GFRA1: variants seen among roughly 807,000 people sequenced by gnomAD.
The protein encoded by GFRA1 is GDNF family receptor alpha-1.
GFRA1 carries 16 observed loss-of-function variants against 51.6 expected under a neutral mutation model. That is an observed-to-expected ratio of 0.31 (90% CI 0.21 to 0.47). GFRA1 has a LOEUF of 0.47. Ranked by LOEUF, GFRA1 falls within the 20% of genes least tolerant of loss-of-function variation. GFRA1 has a pLI of 1.00. For missense variants in GFRA1, 530 were observed against 594.3 expected (o/e 0.89, Z 1.13); for synonymous variants, 270 against 241.3 (o/e 1.12, Z -1.10).
intron 6 of GFRA1, among the ~76,000 whole-genome samples, chr10:116,119,389 C>T (rs563054643): frequency 2.1e-4 from 32 of 152,282 alleles, no homozygotes; most frequent in African/African-American, 7.7e-4. Context: ...TTGCTAAAGA[C>T]ACCCATGTAA....
intron 5 of GFRA1, among the ~76,000 whole-genome samples, chr10:116,140,523 A>G (rs1958516682): frequency 6.6e-6 from 1 of 152,214 alleles, no homozygotes; most frequent in Non-Finnish European, 1.5e-5. Flanking sequence ...GCTTAGAAAT[A>G]TATTTGTAAA....
At chr10:116,255,948 C>T (rs953323591) in intron 4 of GFRA1, among the ~76,000 whole-genome samples, 3 of 152,126 alleles carry the variant, frequency 2.0e-5, no homozygotes, top group Non-Finnish European at 2.9e-5. Flanking sequence ...GCACTCAAAT[C>T]ATCTACTATT....
chr10:116,191,014 C>T (rs113145299), intron 5 of GFRA1, among the ~76,000 whole-genome samples: 46 of 152,306 alleles, frequency 3.0e-4, no homozygotes, highest in African/African-American at 1.0e-3. Flanking sequence ...GAGAGTTCAC[C>T]GGGTTCCCAT....
intron 4 of GFRA1, among the ~76,000 whole-genome samples, chr10:116,238,876 T>C (rs377028859): frequency 6.6e-6 from 1 of 152,216 alleles, no homozygotes; most frequent in Non-Finnish European, 1.5e-5. Context: ...GCTTATTAGC[T>C]ATAGGATTAG....
intron 5 of GFRA1, among the ~76,000 whole-genome samples, chr10:116,138,296 A>G (rs1213061502): frequency 6.6e-6 from 1 of 152,174 alleles, no homozygotes; most frequent in Non-Finnish European, 1.5e-5. Context: ...ACCATCTGAA[A>G]ATGTGTATTT....
intron 9 of GFRA1, among the ~76,000 whole-genome samples, chr10:116,073,629 A>G (rs1336268748): frequency 6.6e-6 from 1 of 152,178 alleles, no homozygotes; most frequent in Non-Finnish European, 1.5e-5. Context: ...CTAAAATGAA[A>G]CATTTGTTTT....
intron 5 of GFRA1, among the ~76,000 whole-genome samples, chr10:116,192,483 C>T (rs577094982): frequency 6.6e-6 from 1 of 152,304 alleles, no homozygotes; most frequent in Admixed American, 6.5e-5. Context: ...CAAATCACAT[C>T]AACACGATTC....
At chr10:116,211,413 AC>A (rs994659454) in intron 5 of GFRA1, among the ~76,000 whole-genome samples, 9 of 151,964 alleles carry the variant, frequency 5.9e-5, no homozygotes, top group African/African-American at 1.7e-4. Context: ...TCTACATCCT[AC>A]CCCCAAGCAT....
chr10:116,213,522 A>G (rs1345855055), intron 4 of GFRA1, among the ~76,000 whole-genome samples: 1 of 152,206 alleles, frequency 6.6e-6, no homozygotes, highest in Non-Finnish European at 1.5e-5. Context: ...TTTCTGTATT[A>G]ATTTTTAGCA....
chr10:116,097,705 G>T (rs1589786316), intron 6 of GFRA1, among the ~76,000 whole-genome samples: 1 of 152,194 alleles, frequency 6.6e-6, no homozygotes, highest in Non-Finnish European at 1.5e-5. Flanking sequence ...GACTTCACAA[G>T]AATTTAAATT....
chr10:116,135,328 G>A (rs1040614513), intron 5 of GFRA1, among the ~76,000 whole-genome samples: 12 of 152,196 alleles, frequency 7.9e-5, no homozygotes, highest in South Asian at 2.1e-4. Context: ...TAAAAATCTC[G>A]GGTTCATAAA....
Position 116,132,004 on chromosome 10 carries a change from CG to C in GFRA1, c.434-6448del, listed in dbSNP as rs1208253293. The stretch of plus-strand genomic sequence containing the variant: ...GGAGGATTGCTTGAGACCAGAAGAT[CG>C]AGACCAGCTTGAGCAATATAAGGAG... On this transcript the variant is annotated intron_variant, in intron 5 of 10. Coordinates refer to ENST00000355422, the MANE Select transcript of GFRA1 (RefSeq NM_005264.8). Among the ~76,000 whole-genome samples the C allele has an allele frequency of 2.0e-5, 3 of 150,958 alleles. No homozygotes were observed. In the East Asian group the frequency reaches 5.9e-4, roughly 29 times the overall value.
chr10:116,151,256 G>GTGAA (rs1959053427), intron 5 of GFRA1, among the ~76,000 whole-genome samples: 1 of 152,146 alleles, frequency 6.6e-6, no homozygotes, highest in Admixed American at 6.5e-5. Flanking sequence ...ACTCCTCTCT[G>GTGAA]TGAATGAAGC....
At chr10:116,224,653 C>T in intron 4 of GFRA1, among the ~76,000 whole-genome samples, 1 of 152,188 alleles carries the variant, frequency 6.6e-6, no homozygotes, top group African/African-American at 2.4e-5. Context: ...AATCAAGAGA[C>T]AGAAAATAGA....
chr10:116,155,570 A>G (rs1169852970), intron 5 of GFRA1, among the ~76,000 whole-genome samples: 3 of 152,228 alleles, frequency 2.0e-5, no homozygotes, highest in African/African-American at 7.2e-5. Context: ...GATTGTACAT[A>G]TCACCACAAA....
intron 5 of GFRA1, among the ~76,000 whole-genome samples, chr10:116,154,905 G>A (rs1170897564): frequency 6.6e-6 from 1 of 152,102 alleles, no homozygotes; most frequent in Non-Finnish European, 1.5e-5. Context: ...ACTCATCAGT[G>A]GAGATGATTC....
Position 116,217,956 on chromosome 10 carries a change from G to A in GFRA1, c.419-6311C>T, listed in dbSNP as rs1025750834. Reference sequence around the variant, plus strand: ...TTGCATAGGACTGTAAAGGAATCATGAGAGGAAAATTCATGAAAATAAAAT... The same window carrying A: ...TTGCATAGGACTGTAAAGGAATCATAAGAGGAAAATTCATGAAAATAAAAT... On this transcript the variant is annotated intron_variant, in intron 4 of 10. Transcript: ENST00000355422. 2.0e-5 allele frequency among the ~76,000 whole-genome samples: 3 copies of A among 152,186 alleles called. No individual in the cohort carries two copies. In the South Asian group the frequency reaches 6.2e-4, roughly 31 times the overall value.
chr10:116,070,469 A>G (rs1453038218), intron 9 of GFRA1, among the ~76,000 whole-genome samples: 1 of 152,194 alleles, frequency 6.6e-6, no homozygotes, highest in African/African-American at 2.4e-5. Context: ...TTAAATCTAC[A>G]TATTTTATGT....
intron 5 of GFRA1, among the ~76,000 whole-genome samples, chr10:116,191,842 C>T (rs1221386855): frequency 1.8e-5 from 2 of 112,442 alleles, no homozygotes; most frequent in African/African-American, 2.7e-5. Flanking sequence ...GCCTGGCCAA[C>T]ATGGTGAAAC....
Sources: gnomAD v4.1 joint callset for allele counts (sites outside exome capture counted in the v4.1 genomes callset) on GRCh38, gnomAD v4.1.1 for gene constraint, MANE v1.5 for transcripts, NCBI Gene and HGNC (gene_info 2026-07-23, HGNC 2026-07-21) for gene names.